The following FEZ1 variants were observed in gnomAD, a reference collection of about 807,000 sequenced individuals.
FEZ1 encodes the protein fasciculation and elongation protein zeta-1.
In FEZ1, 20 loss-of-function variants were observed where a neutral mutation model predicts 49.3. The ratio of observed to expected loss-of-function variants is 0.41; its 90% CI spans 0.29 to 0.59. The LOEUF (loss-of-function observed/expected upper bound fraction) is 0.59, where lower values mean the gene tolerates loss of function less well. Ranked by LOEUF, FEZ1 falls within the 20% of genes least tolerant of loss-of-function variation. FEZ1 has a pLI of 0.36. For synonymous variants in FEZ1, 170 were observed against 180.9 expected, an observed-to-expected ratio of 0.94 and a Z score of 0.48; for missense variants, 413 against 476.0, an observed-to-expected ratio of 0.87 and a Z score of 1.23.
intron 1 of FEZ1, among the ~76,000 whole-genome samples, chr11:125,493,757 C>A (rs79317501): frequency 0.012 from 1,827 of 152,234 alleles, 34 homozygotes; most frequent in African/African-American, 0.032. Context: ...AAAGCCAATC[C>A]GATAGTGTTG....
Position 125,476,208 on chromosome 11 carries a change from A to G in FEZ1, c.411+5326T>C, listed in dbSNP as rs185352859. ...TGATTGTGGTGATGGTTTCGCAGAT[A>G]TATGCAGATGTCAAAATTTACCGCA... is the stretch of plus-strand genomic sequence containing the variant. On this transcript the variant is annotated intron_variant, in intron 3 of 9. Coordinates refer to ENST00000278919, the MANE Select transcript of FEZ1 (RefSeq NM_005103.5). Among the ~76,000 whole-genome samples, 406 of 152,354 alleles carry G rather than the reference A, an allele frequency of 2.7e-3. 2 individuals carry two copies. The highest frequency in any genetic ancestry group is 6.8e-3 in the Middle Eastern group (2 of 294).
chr11:125,478,160 T>C (rs1591596899), intron 3 of FEZ1, among the ~76,000 whole-genome samples: 1 of 152,294 alleles, frequency 6.6e-6, no homozygotes, highest in South Asian at 2.1e-4. Flanking sequence ...ATGGACCACT[T>C]GGCCAGGTGT....
intron 3 of FEZ1, among the ~76,000 whole-genome samples, chr11:125,477,899 T>C (rs1957246463): frequency 6.6e-6 from 1 of 151,010 alleles, no homozygotes; most frequent in Admixed American, 6.6e-5. Flanking sequence ...AGCAGTTGCC[T>C]GTATGGAGTA....
intron 8 of FEZ1, among the ~76,000 whole-genome samples, chr11:125,448,876 A>T (rs919878181): frequency 8.5e-5 from 12 of 141,722 alleles, no homozygotes; most frequent in African/African-American, 2.3e-4. Flanking sequence ...ATTTCTAATT[A>T]AAAAAAAAAA....
chr11:125,464,891 A>G (rs1957112238), intron 3 of FEZ1, among the ~76,000 whole-genome samples: 1 of 152,142 alleles, frequency 6.6e-6, no homozygotes, highest in South Asian at 2.1e-4. Context: ...CAAGTCCACC[A>G]CCTGCGATAG....
chr11:125,448,537 T>C lies in FEZ1; in HGVS notation c.1127A>G (p.Lys376Arg). 2 of 1,612,346 alleles carry C rather than the reference T, an allele frequency of 1.2e-6. No homozygotes were observed. Among genetic ancestry groups the C allele is most frequent in the South Asian group, 2.2e-5 (2 of 91,026 alleles). ...GTAGTCCGTTAGCAAAGTAGGCACCTTCTCATTATCCTCCTTCATGGCAAA... is the reference window on the plus strand; with the variant it reads ...GTAGTCCGTTAGCAAAGTAGGCACCCTCTCATTATCCTCCTTCATGGCAAA... ...ILFAMKEDNE[K>R]VPTLLTDYIL... Residue 376 changes from lysine (K) to arginine (R), a missense_variant, in exon 9 of 10, where the codon AAG (lysine) becomes AGG (arginine). Physicochemically the swap from Lys to Arg is conservative, Grantham distance 26. Transcript: ENST00000278919.
At chr11:125,456,367 C>G in intron 5 of FEZ1, 1 of 405,094 alleles carries the variant, frequency 2.5e-6, no homozygotes, top group Non-Finnish European at 4.3e-6. Flanking sequence ...TCTGTGGACT[C>G]TATTCTCAAA....
chr11:125,460,653 A>C lies in FEZ1; in HGVS notation c.512T>G (p.Ile171Ser). Reference sequence around the variant, plus strand: ...TGGGGAGTTCTGCATCATTTCCTCAATCTCCTCAATTACCTGAAGAAGGTA... The same window carrying C: ...TGGGGAGTTCTGCATCATTTCCTCACTCTCCTCAATTACCTGAAGAAGGTA... ...LLTADQVIEE[I>S]EEMMQNSPDP... The change falls in exon 5 of 10, where the codon ATT (isoleucine) becomes AGT (serine). Residue 171 changes from isoleucine (I) to serine (S), a missense_variant. Ile to Ser is a moderately radical substitution (Grantham distance 142). Coordinates refer to ENST00000278919, the MANE Select transcript of FEZ1 (RefSeq NM_005103.5). The C allele has an allele frequency of 6.2e-7, 1 of 1,613,686 alleles. No individual in the cohort carries two copies. The highest frequency in any genetic ancestry group is 8.5e-7 in the Non-Finnish European group (1 of 1,179,906).
chr11:125,464,539 C>T (rs576047601), intron 3 of FEZ1, among the ~76,000 whole-genome samples: 2 of 152,144 alleles, frequency 1.3e-5, no homozygotes, highest in African/African-American at 4.8e-5. Flanking sequence ...TGGCCCCTTC[C>T]CTGGGGCTTG....
chr11:125,483,165 G>T (rs534906510), intron 2 of FEZ1, among the ~76,000 whole-genome samples: 3 of 151,982 alleles, frequency 2.0e-5, no homozygotes, highest in Non-Finnish European at 4.4e-5. Flanking sequence ...AGAAAGTAAT[G>T]AGGGCACTAT....
In FEZ1 at chr11:125,445,966, GT is replaced by G; in HGVS notation, c.*128del. On this transcript the variant is annotated 3_prime_UTR_variant, in exon 10 of 10. Transcript: ENST00000278919. The surrounding 1 kb of genome is among the most constrained non-coding windows in gnomAD (Gnocchi z 4.4). The stretch of plus-strand genomic sequence containing the variant: ...GGCAAAGGACCCCGCGCGCTTGCTC[GT>G]GTTTAATCCAGGTTAAGCTATACAC... The G allele has an allele frequency of 1.0e-6, 1 of 967,020 alleles. No individual in the cohort carries two copies. The highest frequency in any genetic ancestry group is 1.7e-6 in the Non-Finnish European group (1 of 596,332). The allele number at this position is 967,020 out of a possible 1,614,324, so 59.9% of individuals were successfully genotyped here. A position where few individuals can be genotyped will look rare whatever the true frequency, so the allele number is the denominator to read the frequency against.
At chr11:125,457,431 T>A (rs1228982852) in intron 5 of FEZ1, among the ~76,000 whole-genome samples, 720 of 30,210 alleles carry the variant, frequency 0.024, 10 homozygotes, top group African/African-American at 0.057. Flanking sequence ...AAAAAAAAAA[T>A]ATATATATAT....
rs181643220 is a variant in FEZ1 at position 125,488,886 on chromosome 11, G to T, written c.311+581C>A. 1.1e-3 allele frequency: 1,082 copies of T among 985,376 alleles called. 9 individuals are homozygous for T. The South Asian group carries it at 0.017, about 15-fold the overall frequency. The allele number at this position is 985,376 out of a possible 1,614,324, so 61.0% of individuals were successfully genotyped here. A position where few individuals can be genotyped will look rare whatever the true frequency, so the allele number is the denominator to read the frequency against. On this transcript the variant is annotated intron_variant, in intron 2 of 9. Coordinates refer to ENST00000278919, the MANE Select transcript of FEZ1 (RefSeq NM_005103.5). The stretch of plus-strand genomic sequence containing the variant: ...AGACCCTAGAAAGTAGCGAGCAAGT[G>T]ATACAAGGAATCTGCATACTCAAAG...
intron 5 of FEZ1, among the ~76,000 whole-genome samples, chr11:125,458,125 C>A (rs901107733): frequency 6.6e-6 from 1 of 152,214 alleles, no homozygotes; most frequent in Admixed American, 6.5e-5. Flanking sequence ...CCACCTCCTG[C>A]CGCTGCTATT....
At position 125,455,842 on chromosome 11, in the gene FEZ1, G is replaced by A. The variant is rs1957005467; in HGVS notation, c.932C>T (p.Pro311Leu). 1.9e-6 allele frequency: 3 copies of A among 1,613,848 alleles called. No individual in the cohort carries two copies. Among genetic ancestry groups the A allele is most frequent in the Non-Finnish European group, 2.5e-6 (3 of 1,179,992 alleles). The change falls in exon 6 of 10, where the codon CCT (proline) becomes CTT (leucine). Residue 311 changes from proline to leucine, a missense_variant. By Grantham distance (98) the Pro-to-Leu change is moderately conservative. Transcript: ENST00000278919. ...SSRIEKGNQM[P>L]LKRFSMEGIS... ...ACCTGGTTGTTCACCTACCTTGAGAGGCATCTGGTTTCCCTTCTCTATCCG... is the reference window on the plus strand; with the variant it reads ...ACCTGGTTGTTCACCTACCTTGAGAAGCATCTGGTTTCCCTTCTCTATCCG...
intron 4 of FEZ1, among the ~76,000 whole-genome samples, chr11:125,462,648 T>C (rs1957087347): frequency 6.6e-6 from 1 of 152,230 alleles, no homozygotes; most frequent in Non-Finnish European, 1.5e-5. Flanking sequence ...ATGACATTCA[T>C]GTTCACTGCA....
chr11:125,463,519 C>A lies in FEZ1; in HGVS notation c.463G>T (p.Gly155Cys), dbSNP rs1035609030. 6.8e-6 allele frequency: 11 copies of A among 1,610,824 alleles called. No individual in the cohort carries two copies. Among genetic ancestry groups the A allele is most frequent in the Non-Finnish European group, 9.3e-6 (11 of 1,177,126 alleles). ...EFNEKSENDS[G>C]INEEPLLTAD... Reference sequence around the variant, plus strand: ...GTGAGCAGAGGCTCCTCGTTGATACCGGAATCATTTTCACTCTTCTCATTG... The same window carrying A: ...GTGAGCAGAGGCTCCTCGTTGATACAGGAATCATTTTCACTCTTCTCATTG... Residue 155 changes from glycine (G) to cysteine (C), a missense_variant, in exon 4 of 10, where the codon GGT becomes TGT. Transcript: ENST00000278919.
Position 125,452,337 on chromosome 11 carries a change from T to C in FEZ1, c.1093A>G (p.Asn365Asp), listed in dbSNP as rs985062881. The part of the protein sequence containing the change: ...PSVEDLQMLT[N>D]ILFAMKEDNE... ...GCTGAGAACAAGAGGAACTCACTGT[T>C]TGTCAGCATCTGCAGGTCTTCCACT... is the stretch of plus-strand genomic sequence containing the variant. The change falls in exon 8 of 10, where the codon AAC (asparagine) becomes GAC (aspartate). Residue 365 changes from asparagine to aspartate, a missense_variant. Physicochemically the swap from Asn to Asp is conservative, Grantham distance 23. Coordinates refer to ENST00000278919, the MANE Select transcript of FEZ1 (RefSeq NM_005103.5). 34 of 1,605,158 alleles carry C rather than the reference T, an allele frequency of 2.1e-5. No homozygotes were observed. The highest frequency in any genetic ancestry group is 3.3e-5 in the Admixed American group (2 of 60,020).
intron 6 of FEZ1, chr11:125,455,468 A>G (rs1591582125): frequency 6.8e-6 from 2 of 296,170 alleles, no homozygotes; most frequent in East Asian, 1.5e-4. Context: ...TAAAGAGACC[A>G]GTCAGGACTG....
Sources: allele counts gnomAD v4.1 joint callset (sites outside exome capture counted in the v4.1 genomes callset), GRCh38; gene constraint gnomAD v4.1.1; non-coding constraint Gnocchi (gnomAD v3.1); transcripts MANE v1.5; gene names NCBI Gene and HGNC (gene_info 2026-07-23, HGNC 2026-07-21).